Variants in WNT10A observed in about 807,000 individuals in gnomAD.
The protein encoded by WNT10A is protein Wnt-10a.
In WNT10A, 37 loss-of-function variants were observed where a neutral mutation model predicts 36.1. The observed-to-expected ratio is 1.02, with a 90% CI of 0.79 to 1.35. The LOEUF is 1.35. Among genes scored for constraint, WNT10A ranks in the 40% most tolerant of loss-of-function variants. The pLI is 0.00. For missense variants in WNT10A, 613 were observed against 601.4 expected (o/e 1.02, Z -0.20); for synonymous variants, 255 against 254.1 (o/e 1.00, Z -0.03).
chr2:218,880,876 AG>A lies in WNT10A; in HGVS notation c.-119del. The stretch of plus-strand genomic sequence containing the variant: ...CGTCTGCTCCGGGAGCCCTGACCCG[AG>A]TCGGAGCTGTGTGTCGCAGCCGCCC... On this transcript the variant is annotated 5_prime_UTR_variant, in exon 1 of 4. Coordinates refer to ENST00000258411, the MANE Select transcript of WNT10A (RefSeq NM_025216.3). This position sits in a 1 kb window ranked among gnomAD's most constrained non-coding sequence, Gnocchi z 7.7. The A allele has an allele frequency of 1.6e-6, 2 of 1,265,142 alleles. No individual in the cohort carries two copies. Among genetic ancestry groups the A allele is most frequent in the Non-Finnish European group, 2.1e-6 (2 of 954,946 alleles). 78.4% of individuals were successfully genotyped at this position (1,265,142 alleles called of 1,614,324 possible). A position where few individuals can be genotyped will look rare whatever the true frequency, so the allele number is the denominator to read the frequency against.
At chr2:218,874,619 C>T in the WNT10A span, among the ~76,000 whole-genome samples, 2 of 152,180 alleles carry the variant, frequency 1.3e-5, no homozygotes, top group African/African-American at 4.8e-5. Context: ...CTCTCATCTT[C>T]CTCCAGAGAG....
chr2:218,890,526 C>T (rs1944639148), intron 3 of WNT10A, among the ~76,000 whole-genome samples, 163 bp downstream of exon 3: 1 of 152,236 alleles, frequency 6.6e-6, no homozygotes, highest in South Asian at 2.1e-4. Flanking sequence ...TGAGTATGCA[C>T]TGTGCACCAG....
upstream of WNT10A, among the ~76,000 whole-genome samples, chr2:218,877,760 G>A (rs1036556090): frequency 3.3e-5 from 5 of 152,338 alleles, no homozygotes; most frequent in Middle Eastern, 3.4e-3. The surrounding 1 kb of genome is among the most constrained non-coding windows in gnomAD (Gnocchi z 4.1). Flanking sequence ...GGAGTTTGGG[G>A]AGACTGCAGC....
chr2:218,886,746 C>T (rs564418741), intron 2 of WNT10A, among the ~76,000 whole-genome samples: 1 of 151,868 alleles, frequency 6.6e-6, no homozygotes, highest in East Asian at 1.9e-4. Flanking sequence ...ACAGCTGGGG[C>T]CAGAACCGAA....
chr2:218,882,278 T>A lies in WNT10A; in HGVS notation c.231T>A (p.Arg77=). The change falls in exon 2 of 4, where the codon CGT becomes CGA. Residue 77 remains arginine, a synonymous_variant. Transcript: ENST00000258411. ...GGCGGCAGATGGAGGTGTGTGTGCG[T>A]CACCCTGATGTGGCTGCCTCAGCCA... ...LSRRQMEVCV[R]HPDVAASAIQ... 1.2e-6 allele frequency: 2 copies of A among 1,614,154 alleles called. No individual in the cohort carries two copies. Among genetic ancestry groups the A allele is most frequent in the Non-Finnish European group, 1.7e-6 (2 of 1,180,024 alleles).
At position 218,890,348 on chromosome 2, in the gene WNT10A, C is replaced by T; in HGVS notation, c.741C>T (p.Asn247=). The change falls in exon 3 of 4, where the codon AAC becomes AAT. Residue 247 remains asparagine (N), a synonymous_variant. Transcript: ENST00000258411. ...DIHARMRLHN[N]RVGRQAVMEN... ...ACGCGAGAATGAGGCTTCACAACAACCGAGTTGGGAGGCAGGTGAGAGCCC... is the reference window on the plus strand; with the variant it reads ...ACGCGAGAATGAGGCTTCACAACAATCGAGTTGGGAGGCAGGTGAGAGCCC... The T allele has an allele frequency of 1.9e-6, 3 of 1,600,148 alleles. No homozygotes were observed. Among genetic ancestry groups the T allele is most frequent in the Non-Finnish European group, 2.5e-6 (3 of 1,179,930 alleles).
intron 3 of WNT10A, among the ~76,000 whole-genome samples, chr2:218,890,706 C>A (rs985173305): frequency 1.3e-5 from 2 of 152,158 alleles, no homozygotes; most frequent in Non-Finnish European, 2.9e-5. Flanking sequence ...TCCCATCTGA[C>A]TCCTCCCCTA....
At chr2:218,874,959 GA>G in the WNT10A span, among the ~76,000 whole-genome samples, 522 of 152,178 alleles carry the variant, frequency 3.4e-3, 2 homozygotes, top group Non-Finnish European at 5.3e-3. Context: ...CTATATAGCA[GA>G]ACCATTGGCT....
chr2:218,884,475 G>A (rs1273478140), intron 2 of WNT10A, among the ~76,000 whole-genome samples: 1 of 152,094 alleles, frequency 6.6e-6, no homozygotes, highest in East Asian at 1.9e-4. Context: ...GCCTACCTCT[G>A]TGGCTTCCGC....
intron 1 of WNT10A, among the ~76,000 whole-genome samples, chr2:218,881,744 G>GT (rs1944519265): frequency 6.6e-6 from 1 of 152,190 alleles, no homozygotes; most frequent in African/African-American, 2.4e-5. Context: ...GTGCATGTGC[G>GT]TAAGTGTGCT....
the WNT10A span, among the ~76,000 whole-genome samples, chr2:218,875,355 C>T: frequency 6.0e-5 from 9 of 151,246 alleles, no homozygotes; most frequent in South Asian, 2.1e-4. Context: ...CACTTGGATA[C>T]GTTTTTTTGT....
Position 218,881,002 on chromosome 2 carries a change from A to T in WNT10A, c.7A>T (p.Ser3Cys), listed in dbSNP as rs1324234734. The change falls in exon 1 of 4, where the codon AGC becomes TGC. Residue 3 changes from serine (S) to cysteine (C), a missense_variant. Coordinates refer to ENST00000258411, the MANE Select transcript of WNT10A (RefSeq NM_025216.3). MG[S>C]AHPRPWLRLR... Reference sequence around the variant, plus strand: ...CCGTCAGGGCCTGCGCGCCATGGGCAGCGCCCACCCTCGCCCCTGGCTGCG... The same window carrying T: ...CCGTCAGGGCCTGCGCGCCATGGGCTGCGCCCACCCTCGCCCCTGGCTGCG... The T allele has an allele frequency of 8.9e-6, 14 of 1,576,392 alleles. No homozygotes were observed. Among genetic ancestry groups the T allele is most frequent in the Non-Finnish European group, 1.2e-5 (14 of 1,160,702 alleles).
At chr2:218,878,676 G>C (rs1202544945), upstream of WNT10A, among the ~76,000 whole-genome samples, 1 of 152,256 alleles carries the variant, frequency 6.6e-6, no homozygotes, top group African/African-American at 2.4e-5. This position sits in a 1 kb window ranked among gnomAD's most constrained non-coding sequence, Gnocchi z 4.1. Context: ...CACCCCAGGG[G>C]ACACTTGTGC....
Position 218,890,228 on chromosome 2 carries a change from C to T in WNT10A, c.621C>T (p.Asp207=). The T allele has an allele frequency of 1.9e-6, 3 of 1,614,008 alleles. No homozygotes were observed. In the East Asian group the frequency reaches 6.7e-5, roughly 36 times the overall value. ...CCACAGCCAGCCCAGGCCTGCAGGA[C>T]TCCTGGGAGTGGGGCGGCTGCAGCC... ...ALPTASPGLQ[D]SWEWGGCSPD... The change falls in exon 3 of 4, where the codon GAC becomes GAT. Residue 207 remains aspartate (D), a synonymous_variant. Coordinates refer to ENST00000258411, the MANE Select transcript of WNT10A (RefSeq NM_025216.3).
intron 1 of WNT10A, among the ~76,000 whole-genome samples, chr2:218,881,570 T>G (rs74333950): frequency 0.13 from 18,318 of 139,300 alleles, 1,174 homozygotes; most frequent in South Asian, 0.22. Flanking sequence ...GTGTGTGTGT[T>G]TTCAATCGAG....
intron 2 of WNT10A, among the ~76,000 whole-genome samples, chr2:218,889,546 A>G (rs1294068932): frequency 2.6e-5 from 4 of 152,244 alleles, no homozygotes; most frequent in African/African-American, 9.6e-5. Flanking sequence ...CACCAGCAAC[A>G]TCACTGGCAA....
At chr2:218,879,389 CA>C (rs956259150), upstream of WNT10A, among the ~76,000 whole-genome samples, 2 of 152,246 alleles carry the variant, frequency 1.3e-5, no homozygotes, top group African/African-American at 4.8e-5. Context: ...GCCCATTTTA[CA>C]GAGGAGGATG....
chr2:218,890,456 C>A, intron 3 of WNT10A, 93 bp downstream of exon 3: 1 of 1,559,362 alleles, frequency 6.4e-7, no homozygotes, highest in Non-Finnish European at 8.7e-7. Flanking sequence ...CCACGTTGCT[C>A]CCACATGTCA....
At position 218,881,126 on chromosome 2, in the gene WNT10A, G is replaced by GCTCC; in HGVS notation, c.113+19_113+22dup. On this transcript the variant is annotated intron_variant, in intron 1 of 3. Coordinates refer to ENST00000258411, the MANE Select transcript of WNT10A (RefSeq NM_025216.3). ...ATGCCCAGGTGAGCCCTCACCTCAT[G>GCTCC]CTCCGCCCTCCTAGAGAGTTGGGAC... The GCTCC allele has an allele frequency of 6.3e-7, 1 of 1,578,166 alleles. No individual in the cohort carries two copies. Among genetic ancestry groups the GCTCC allele is most frequent in the South Asian group, 1.2e-5 (1 of 86,506 alleles).
Sources: allele counts gnomAD v4.1 joint callset (sites outside exome capture counted in the v4.1 genomes callset), GRCh38; gene constraint gnomAD v4.1.1; non-coding constraint Gnocchi (gnomAD v3.1); transcripts MANE v1.5; gene names NCBI Gene and HGNC (gene_info 2026-07-23, HGNC 2026-07-21).